DLGAP5: variants seen among roughly 807,000 people sequenced by gnomAD.
The protein encoded by DLGAP5 is DLG associated protein 5.
Under a neutral mutation model 99.6 loss-of-function variants are expected in DLGAP5, and 90 were observed. The ratio of observed to expected loss-of-function variants is 0.90; its 90% CI spans 0.76 to 1.08. The LOEUF is 1.08. Among genes scored for constraint, DLGAP5 ranks in the 50% least tolerant of loss-of-function variants. DLGAP5 has a pLI of 0.00. For synonymous variants in DLGAP5, 311 were observed against 321.3 expected (o/e 0.97, Z 0.34); for missense variants, 1,036 against 983.5 (o/e 1.05, Z -0.71).
Position 55,155,074 on chromosome 14 carries a change from G to A in DLGAP5, c.1874-268C>T, listed in dbSNP as rs184370886. Among the ~76,000 whole-genome samples the A allele has an allele frequency of 3.2e-3, 492 of 152,266 alleles. 4 individuals carry two copies. Among genetic ancestry groups the A allele is most frequent in the African/African-American group, 0.011 (477 of 41,556 alleles). On this transcript the variant is annotated intron_variant, in intron 14 of 18. Transcript: ENST00000247191. ...GTCTTACACTGTCACCCAGGCTGGA[G>A]TGCAGTGGTGTGATCTCTCGGCTCA...
Position 55,189,154 on chromosome 14 carries a change from C to T in DLGAP5, c.26G>A (p.Arg9Gln), listed in dbSNP as rs201234769. 148 of 1,612,794 alleles carry T rather than the reference C, an allele frequency of 9.2e-5. No homozygotes were observed. The highest frequency in any genetic ancestry group is 1.1e-4 in the Non-Finnish European group (132 of 1,179,654). The change falls in exon 2 of 19, where the codon CGA becomes CAA. Residue 9 changes from arginine (R) to glutamine (Q), a missense_variant. Transcript: ENST00000247191. MSSSHFAS[R>Q]HRKDISTEMI... ...TTCAGTACTTATATCCTTCCTGTGT[C>T]GACTGGCAAAATGTGATGAAGACAT...
intron 4 of DLGAP5, 43 bp downstream of exon 4, chr14:55,182,327 G>A (rs1319270985): frequency 4.7e-6 from 7 of 1,500,504 alleles, no homozygotes; most frequent in Admixed American, 4.0e-5. Flanking sequence ...CTAAAAAAGT[G>A]CAATTTATCA....
chr14:55,174,041 C>G (rs971341046), intron 10 of DLGAP5, among the ~76,000 whole-genome samples: 2 of 152,200 alleles, frequency 1.3e-5, no homozygotes, highest in Non-Finnish European at 2.9e-5. Flanking sequence ...CGCCGGTGAG[C>G]CGGGCGGAAC....
At chr14:55,154,952 A>AAG (rs2140305802) in intron 14 of DLGAP5, 146 bp from the exon 15 acceptor site, 1 of 688,076 alleles carries the variant, frequency 1.5e-6, no homozygotes, top group South Asian at 1.9e-5. Flanking sequence ...CTTTCTGTTA[A>AAG]AGATAGTATT....
chr14:55,158,111 C>T (rs1882277159), intron 14 of DLGAP5, among the ~76,000 whole-genome samples: 1 of 152,212 alleles, frequency 6.6e-6, no homozygotes, highest in Non-Finnish European at 1.5e-5. Flanking sequence ...TAGCTGGATG[C>T]TCAAGTTTCC....
At chr14:55,170,179 G>A (rs191758589) in intron 11 of DLGAP5, among the ~76,000 whole-genome samples, 24 of 150,724 alleles carry the variant, frequency 1.6e-4, no homozygotes, top group African/African-American at 4.1e-4. Flanking sequence ...AAAACTCAAC[G>A]TCAAACAACT....
rs1174017914 is a variant in DLGAP5 at position 55,179,174 on chromosome 14, T to C, written c.774+455A>G. ...CTAGATGCAGGCAGAAATTTTAGTT[T>C]ATTTAATTCTTACAACTACTCTATG... On this transcript the variant is annotated intron_variant, in intron 7 of 18. Transcript: ENST00000247191. Among the ~76,000 whole-genome samples the C allele has an allele frequency of 1.3e-5, 2 of 152,234 alleles. 1 individual carries two copies. The highest frequency in any genetic ancestry group is 3.8e-4 in the East Asian group (2 of 5,206).
Position 55,183,749 on chromosome 14 carries a change from T to A in DLGAP5, c.243A>T (p.Ala81=), listed in dbSNP as rs778080660. 2.5e-6 allele frequency: 4 copies of A among 1,586,792 alleles called. No individual in the cohort carries two copies. The highest frequency in any genetic ancestry group is 1.7e-6 in the Non-Finnish European group (2 of 1,168,630). The change falls in exon 3 of 19, where the codon GCA becomes GCT. Residue 81 remains alanine (A), a synonymous_variant. Coordinates refer to ENST00000247191, the MANE Select transcript of DLGAP5 (RefSeq NM_014750.5). ...GTTGATCACCTAGAATAGTTTTCAT[T>A]GCCCCTAGGCAGAAAAAAAACCAAA... ...VPEKTNVKPR[A]MKTILGDQRK...
chr14:55,166,673 A>C (rs1441297479), intron 12 of DLGAP5, among the ~76,000 whole-genome samples: 2 of 151,608 alleles, frequency 1.3e-5, no homozygotes, highest in Non-Finnish European at 2.9e-5. Flanking sequence ...AGGTTGCAGT[A>C]AACTGAGATT....
chr14:55,188,732 C>A (rs1178034945), intron 2 of DLGAP5, among the ~76,000 whole-genome samples: 1 of 144,776 alleles, frequency 6.9e-6, no homozygotes, highest in Non-Finnish European at 1.5e-5. Context: ...GAGCACACCA[C>A]TGCACTCCCG....
intron 9 of DLGAP5, among the ~76,000 whole-genome samples, 186 bp from the exon 10 acceptor site, chr14:55,175,658 C>G (rs1490556234): frequency 2.0e-5 from 3 of 151,950 alleles, no homozygotes; most frequent in Non-Finnish European, 1.5e-5. Flanking sequence ...CATTTATTTC[C>G]CCTCTTCTGT....
intron 10 of DLGAP5, among the ~76,000 whole-genome samples, 187 bp downstream of exon 10, chr14:55,175,158 CT>C (rs1457141807): frequency 6.6e-6 from 1 of 152,122 alleles, no homozygotes; most frequent in Non-Finnish European, 1.5e-5. Context: ...TCACTTGTAC[CT>C]TTTCCTACCC....
intron 3 of DLGAP5, 142 bp downstream of exon 3, chr14:55,183,418 C>T: frequency 3.2e-6 from 2 of 617,950 alleles, no homozygotes; most frequent in East Asian, 3.4e-5. Context: ...GATTTTCATT[C>T]TTCTGAGCTA....
At chr14:55,169,175 CAAAAAAA>C (rs34906311) in intron 12 of DLGAP5, among the ~76,000 whole-genome samples, 4 of 63,900 alleles carry the variant, frequency 6.3e-5, no homozygotes, top group Non-Finnish European at 1.0e-4. Context: ...GACTCCGTCT[CAAAAAAA>C]AAAAAAAAAA....
In DLGAP5 at chr14:55,189,238, A is replaced by T. The variant is rs1268819101; in HGVS notation, c.-1-58T>A. ...TGAATTTTCATTATTTAAAAAATTA[A>T]GATTACAGTTCATTTCCTGTCCCAC... is the stretch of plus-strand genomic sequence containing the variant. On this transcript the variant is annotated intron_variant, in intron 1 of 18. Transcript: ENST00000247191. 2.9e-6 allele frequency: 4 copies of T among 1,363,922 alleles called. No individual in the cohort carries two copies. The African/African-American group carries it at 5.8e-5, about 20-fold the overall frequency. 84.5% of individuals were successfully genotyped at this position (1,363,922 alleles called of 1,614,324 possible). A position where few individuals can be genotyped will look rare whatever the true frequency, so the allele number is the denominator to read the frequency against.
chr14:55,189,259 C>T (rs1883531592), intron 1 of DLGAP5, 79 bp from the exon 2 acceptor site: 1 of 1,081,516 alleles, frequency 9.2e-7, no homozygotes, highest in East Asian at 2.5e-5. Context: ...CATTTCCTGT[C>T]CCACTTCAGG....
intron 16 of DLGAP5, 52 bp downstream of exon 16, chr14:55,152,538 A>T: frequency 7.2e-7 from 1 of 1,392,412 alleles, no homozygotes; most frequent in Non-Finnish European, 9.8e-7. Flanking sequence ...TTCTATAATG[A>T]TATAAACATA....
chr14:55,167,750 G>T (rs1000745443), intron 12 of DLGAP5, among the ~76,000 whole-genome samples: 1 of 152,130 alleles, frequency 6.6e-6, no homozygotes, highest in Non-Finnish European at 1.5e-5. Context: ...ATCCAGGTTG[G>T]AAGTTAATTT....
At chr14:55,183,532 T>C (rs1273737220) in intron 3 of DLGAP5, 28 bp downstream of exon 3, 4 of 1,491,736 alleles carry the variant, frequency 2.7e-6, no homozygotes, top group Admixed American at 2.5e-5. Context: ...AAAGAAACTA[T>C]TCCTTTATAT....
Sources: allele counts gnomAD v4.1 joint callset (sites outside exome capture counted in the v4.1 genomes callset), GRCh38; gene constraint gnomAD v4.1.1; transcripts MANE v1.5; gene names NCBI Gene and HGNC (gene_info 2026-07-23, HGNC 2026-07-21).